The following CYP4A22 variants were observed in gnomAD, a reference collection of about 807,000 sequenced individuals.
CYP4A22 encodes the protein cytochrome P450 4A22.
Under a neutral mutation model 56.2 loss-of-function variants are expected in CYP4A22, and 46 were observed. That is an observed-to-expected ratio of 0.82 (90% confidence interval 0.65 to 1.05). The LOEUF is 1.05. CYP4A22 is among the 50% of genes least tolerant of loss of function. The pLI, the probability that CYP4A22 is intolerant of heterozygous loss-of-function variation, is 0.00. For synonymous variants in CYP4A22, 193 were observed against 251.1 expected, an observed-to-expected ratio of 0.77 and a Z score of 2.19; for missense variants, 541 against 645.9, an observed-to-expected ratio of 0.84 and a Z score of 1.76.
Position 47,144,964 on chromosome 1 carries a change from C to T in CYP4A22, c.1216C>T (p.Pro406Ser). 6.2e-7 allele frequency: 1 copy of T among 1,614,116 alleles called. No homozygotes were observed. Among genetic ancestry groups the T allele is most frequent in the South Asian group, 1.1e-5 (1 of 91,074 alleles). Reference protein sequence around the residue: ...PVTFPDGRSLPKGIMVLLSIY... With the variant: ...PVTFPDGRSLSKGIMVLLSIY... ...CACCTTCCCTGATGGGCGCTCCTTG[C>T]CCAAAGGTATGAAGTTTCCCCACCC... The change falls in exon 9 of 12, where the codon CCC becomes TCC. Residue 406 changes from proline (P) to serine (S), a missense_variant. By Grantham distance (74) the Pro-to-Ser change is moderately conservative (BLOSUM62 -1). Coordinates refer to ENST00000371891, the MANE Select transcript of CYP4A22 (RefSeq NM_001010969.4).
At chr1:47,141,419 A>C in intron 2 of CYP4A22, 152 bp from the exon 3 acceptor site, 1 of 835,544 alleles carries the variant, frequency 1.2e-6, no homozygotes, top group Non-Finnish European at 1.9e-6. Flanking sequence ...GCCCACATTG[A>C]CCTTCAGGAC....
chr1:47,143,088 A>C (rs1281965687), intron 4 of CYP4A22, among the ~76,000 whole-genome samples, 181 bp from the exon 5 acceptor site: 1 of 152,262 alleles, frequency 6.6e-6, no homozygotes, highest in East Asian at 1.9e-4. Context: ...TCAGTTTACC[A>C]ACACTGGCTT....
In CYP4A22 at chr1:47,144,396, AG is replaced by A. The variant is rs758972627; in HGVS notation, c.835del (p.Glu279SerfsTer102). 2 of 1,613,924 alleles carry A rather than the reference AG, an allele frequency of 1.2e-6. No individual in the cohort carries two copies. The highest frequency in any genetic ancestry group is 1.7e-5 in the Admixed American group (1 of 60,010). ...CTGAGGAAGGCTCAACTACAGAAGG[AG>A]GGGGAGCTGGAGAAGATCAAGAGGA... Reference protein sequence around the residue: ...IQLRKAQLQKEGELEKIKRKR... With the variant: ...IQLRKAQLQKXGELEKIKRKR... On this transcript the variant is annotated frameshift_variant, in exon 7 of 12. Transcript: ENST00000371891. LOFTEE classifies it high-confidence loss of function.
intron 4 of CYP4A22, 78 bp from the exon 5 acceptor site, chr1:47,143,191 A>T: frequency 6.5e-7 from 1 of 1,547,076 alleles, no homozygotes. Flanking sequence ...AGATATCTGC[A>T]GGTACATGAA....
At position 47,143,345 on chromosome 1, in the gene CYP4A22, C is replaced by A. The variant is rs762037223; in HGVS notation, c.587C>A (p.Thr196Asn). Residue 196 changes from threonine to asparagine, a missense_variant, in exon 5 of 12, where the codon ACC becomes AAC. This residue lies in a region of CYP4A22 where 335 missense variants were observed against 361.2 expected (regional missense o/e 0.93). Coordinates refer to ENST00000371891, the MANE Select transcript of CYP4A22 (RefSeq NM_001010969.4). ...CACGTCTCCTTGATGACCCTGGACACCATCATGAAGAGTGCCTTCAGCCAT... is the reference window on the plus strand; with the variant it reads ...CACGTCTCCTTGATGACCCTGGACAACATCATGAAGAGTGCCTTCAGCCAT... Reference protein sequence around the residue: ...FQHVSLMTLDTIMKSAFSHQG... With the variant: ...FQHVSLMTLDNIMKSAFSHQG... 2.5e-6 allele frequency: 4 copies of A among 1,613,846 alleles called. No individual in the cohort carries two copies. Among genetic ancestry groups the A allele is most frequent in the Non-Finnish European group, 3.4e-6 (4 of 1,179,856 alleles).
rs531677239 is a variant in CYP4A22, at chr1:47,140,742, G to A, written c.196-38G>A. 15 of 1,611,594 alleles carry A rather than the reference G, an allele frequency of 9.3e-6. No individual in the cohort carries two copies. The East Asian group carries it at 2.9e-4, about 31-fold the overall frequency. ...TTCACTCCTGCTGCAAAGACTAGAA[G>A]TAAATGAAAGTGTTCATCTGTCTAC... On this transcript the variant is annotated intron_variant, in intron 1 of 11. Transcript: ENST00000371891.
Position 47,143,755 on chromosome 1 carries a change from C to A in CYP4A22, c.636-7C>A. ...TACTGCGGTCTCTTCTTCATACTCT[C>A]CCTCAGGAATTCTCAGTCCTACATC... On this transcript the variant is annotated splice_polypyrimidine_tract_variant and splice_region_variant and intron_variant, in intron 5 of 11. Coordinates refer to ENST00000371891, the MANE Select transcript of CYP4A22 (RefSeq NM_001010969.4). The A allele has an allele frequency of 6.2e-7, 1 of 1,604,730 alleles. No homozygotes were observed. Among genetic ancestry groups the A allele is most frequent in the South Asian group, 1.1e-5 (1 of 89,216 alleles).
intron 11 of CYP4A22, among the ~76,000 whole-genome samples, chr1:47,147,696 G>C (rs1645090905): frequency 6.6e-6 from 1 of 152,156 alleles, no homozygotes; most frequent in South Asian, 2.1e-4. Flanking sequence ...CTTTAGCCTT[G>C]AGGATGTGGC....
Position 47,137,625 on chromosome 1 carries a change from C to A in CYP4A22, c.140C>A (p.Ala47Asp), listed in dbSNP as rs534701920. The A allele has an allele frequency of 8.1e-6, 13 of 1,614,108 alleles. No homozygotes were observed. The African/African-American group carries it at 1.5e-4, about 18-fold the overall frequency. Residue 47 changes from alanine (A) to aspartate (D), a missense_variant, in exon 1 of 12, where the codon GCC becomes GAC. Ala to Asp is a moderately radical substitution (Grantham distance 126). This residue lies in a region of CYP4A22 where 335 missense variants were observed against 361.2 expected (regional missense o/e 0.93). Transcript: ENST00000371891. ...LYLHRQWLLK[A>D]LQQFPCPPSH... ...CTGCATAGGCAGTGGCTGCTCAAAG[C>A]CCTCCAGCAGTTCCCGTGCCCTCCC...
chr1:47,147,521 A>G, intron 11 of CYP4A22: 1 of 809,918 alleles, frequency 1.2e-6, no homozygotes, highest in Non-Finnish European at 1.5e-6. Flanking sequence ...TCCATCAACC[A>G]TTCTTTCACT....
rs1569819600 is a variant in CYP4A22, at chr1:47,148,532, G to A, written c.1365-70G>A. ...TGTCCAGCTCAGGGCTGGGGTCAGG[G>A]GCCAAAACCTGCTCAGATCAGAATG... On this transcript the variant is annotated intron_variant, in intron 11 of 11. Coordinates refer to ENST00000371891, the MANE Select transcript of CYP4A22 (RefSeq NM_001010969.4). 4.6e-6 allele frequency: 7 copies of A among 1,525,644 alleles called. No homozygotes were observed. In the African/African-American group the frequency reaches 5.5e-5, roughly 12 times the overall value. 94.5% of individuals were successfully genotyped at this position (1,525,644 alleles called of 1,614,324 possible).
chr1:47,145,680 TTCA>T (rs1372004698), intron 9 of CYP4A22, among the ~76,000 whole-genome samples, 183 bp from the exon 10 acceptor site: 11 of 152,228 alleles, frequency 7.2e-5, no homozygotes, highest in African/African-American at 2.7e-4. Flanking sequence ...TGGTTGTCTA[TTCA>T]TCATCTGAAC....
intron 6 of CYP4A22, 26 bp downstream of exon 6, chr1:47,143,942 A>T: frequency 6.3e-7 from 1 of 1,590,090 alleles, no homozygotes; most frequent in Non-Finnish European, 8.6e-7. Context: ...CTTGTCTCCC[A>T]GCCTTTCCCA....
intron 11 of CYP4A22, chr1:47,146,867 G>C (rs1461679599): frequency 4.1e-6 from 4 of 985,580 alleles, no homozygotes; most frequent in Non-Finnish European, 4.8e-6. Flanking sequence ...AATCCACTTA[G>C]CACAATATTG....
chr1:47,147,131 A>C (rs1645084870), intron 11 of CYP4A22: 1 of 985,352 alleles, frequency 1.0e-6, no homozygotes, highest in Admixed American at 6.1e-5. Context: ...TCAAAGAAAT[A>C]ATTATGTGAC....
At chr1:47,147,966 T>C (rs1645093690) in intron 11 of CYP4A22, among the ~76,000 whole-genome samples, 1 of 152,156 alleles carries the variant, frequency 6.6e-6, no homozygotes, top group Non-Finnish European at 1.5e-5. Flanking sequence ...TGGACGTTTC[T>C]GGAGTAGAGT....
At chr1:47,138,254 G>A (rs4926918) in intron 1 of CYP4A22, among the ~76,000 whole-genome samples, 64,889 of 152,016 alleles carry the variant, frequency 0.43, 15,216 homozygotes, top group East Asian at 0.98. Flanking sequence ...TTTCCCCAAG[G>A]CTCACGGAAT....
chr1:47,137,851 C>T (rs1233612762), intron 1 of CYP4A22, among the ~76,000 whole-genome samples, 171 bp downstream of exon 1: 1 of 152,190 alleles, frequency 6.6e-6, no homozygotes, highest in Non-Finnish European at 1.5e-5. Context: ...GGAGCTCACT[C>T]CTCCCATGAA....
Position 47,137,534 on chromosome 1 carries a change from G to C in CYP4A22, c.49G>C (p.Gly17Arg), listed in dbSNP as rs369829008. Residue 17 changes from glycine to arginine, a missense_variant, in exon 1 of 12, where the codon GGG (glycine) becomes CGG (arginine). Coordinates refer to ENST00000371891, the MANE Select transcript of CYP4A22 (RefSeq NM_001010969.4). ...SPSRRLGGVS[G>R]ILQVTSLLIL... Reference sequence around the variant, plus strand: ...CAGCAGACGCCTGGGTGGTGTCTCCGGGATCCTCCAAGTGACCTCCCTGCT... The same window carrying C: ...CAGCAGACGCCTGGGTGGTGTCTCCCGGATCCTCCAAGTGACCTCCCTGCT... 1.2e-6 allele frequency: 2 copies of C among 1,614,120 alleles called. No homozygotes were observed. The highest frequency in any genetic ancestry group is 1.7e-6 in the Non-Finnish European group (2 of 1,179,980).
Sources: gnomAD v4.1 joint callset for allele counts (sites outside exome capture counted in the v4.1 genomes callset) on GRCh38, gnomAD v4.1.1 for gene constraint, gnomAD v4.1.1 regional missense constraint, MANE v1.5 for transcripts, NCBI Gene and HGNC (gene_info 2026-07-23, HGNC 2026-07-21) for gene names.